Variants in RNF34 observed in about 807,000 individuals in gnomAD.
RNF34 encodes the protein ring finger protein 34, also known as E3 ubiquitin-protein ligase RNF34.
RNF34 carries 12 observed loss-of-function variants against 37.9 expected under a neutral mutation model. The observed-to-expected ratio is 0.32, with a 90% confidence interval of 0.20 to 0.51. The LOEUF (loss-of-function observed/expected upper bound fraction) is 0.51, where lower values mean the gene tolerates loss of function less well. RNF34 is among the 20% of genes least tolerant of loss of function. The pLI is 0.97. For synonymous variants in RNF34, 155 were observed against 177.2 expected (o/e 0.87, Z 1.00); for missense variants, 362 against 472.7 (o/e 0.77, Z 2.17).
intron 1 of RNF34, 149 bp from the exon 2 acceptor site, chr12:121,416,010 A>G (rs1871538914): frequency 1.6e-6 from 1 of 613,810 alleles, no homozygotes; most frequent in South Asian, 2.1e-5. Context: ...ATTCTTTCCA[A>G]ATGGCTTGAA....
intron 5 of RNF34, among the ~76,000 whole-genome samples, chr12:121,422,736 T>A (rs1038606347): frequency 4.6e-5 from 7 of 152,340 alleles, no homozygotes; most frequent in Middle Eastern, 3.4e-3. Context: ...AACTTTTTTT[T>A]AACTTATTCA....
chr12:121,410,628 G>C (rs1218494204), intron 1 of RNF34, among the ~76,000 whole-genome samples: 1 of 151,562 alleles, frequency 6.6e-6, no homozygotes, highest in Non-Finnish European at 1.5e-5. Context: ...TCAAATTTCT[G>C]AACTTTCCAG....
intron 1 of RNF34, among the ~76,000 whole-genome samples, chr12:121,402,551 AG>A: frequency 7.2e-6 from 1 of 139,014 alleles, no homozygotes; most frequent in Admixed American, 6.7e-5. Flanking sequence ...ACTTCCTATA[AG>A]GGATTAAAAA....
rs1872388487 is a variant in RNF34, at chr12:121,424,091, G to A, written c.*515G>A. ...GAATGTAAGTTTCCACATTGTTGCT[G>A]TTTCTGCATTTAAACATAATTGGGA... On this transcript the variant is annotated 3_prime_UTR_variant, in exon 6 of 6. Transcript: ENST00000361234. The A allele has an allele frequency of 6.5e-6, 1 of 152,814 alleles. No homozygotes were observed. Among genetic ancestry groups the A allele is most frequent in the Non-Finnish European group, 1.5e-5 (1 of 68,160 alleles). The allele number at this position is 152,814 out of a possible 1,614,324, so 9.5% of individuals were successfully genotyped here. A position where few individuals can be genotyped will look rare whatever the true frequency, so the allele number is the denominator to read the frequency against.
chr12:121,417,414 AAAATT>A lies in RNF34; in HGVS notation c.226-84_226-80del. 1 of 1,187,020 alleles carries A rather than the reference AAAATT, an allele frequency of 8.4e-7. No individual in the cohort carries two copies. Among genetic ancestry groups the A allele is most frequent in the East Asian group, 2.4e-5 (1 of 42,392 alleles). The allele number at this position is 1,187,020 out of a possible 1,614,324, so 73.5% of individuals were successfully genotyped here. A position where few individuals can be genotyped will look rare whatever the true frequency, so the allele number is the denominator to read the frequency against. On this transcript the variant is annotated intron_variant, in intron 2 of 5. Coordinates refer to ENST00000361234, the MANE Select transcript of RNF34 (RefSeq NM_025126.4). This position sits in a 1 kb window ranked among gnomAD's most constrained non-coding sequence, Gnocchi z 5.0. ...GCCACTGGGGACTTCACTAAGAACT[AAAATT>A]AAATTTTAGTAGAAGGCAGAAAGAA...
chr12:121,411,547 A>G (rs893735216), intron 1 of RNF34, among the ~76,000 whole-genome samples: 2 of 152,208 alleles, frequency 1.3e-5, no homozygotes, highest in African/African-American at 4.8e-5. Flanking sequence ...CAAAGGTCAT[A>G]ATCTCTGACA....
At chr12:121,402,941 A>G in intron 1 of RNF34, 2 of 680,248 alleles carry the variant, frequency 2.9e-6, no homozygotes, top group Admixed American at 4.4e-5. Flanking sequence ...GTATGAGAGA[A>G]ATAATTTAGG....
Position 121,423,440 on chromosome 12 carries a change from G to A in RNF34, c.983G>A (p.Cys328Tyr). The A allele has an allele frequency of 6.2e-7, 1 of 1,613,148 alleles. No homozygotes were observed. The highest frequency in any genetic ancestry group is 8.5e-7 in the Non-Finnish European group (1 of 1,179,546). Residue 328 changes from cysteine (C) to tyrosine (Y), a missense_variant, in exon 6 of 6, where the codon TGC becomes TAC. Transcript: ENST00000361234. This position sits in a 1 kb window ranked among gnomAD's most constrained non-coding sequence, Gnocchi z 4.3. Reference sequence around the variant, plus strand: ...GAAGACGACAGCCTGTGTCGCATCTGCATGGATGCCGTCATCGACTGTGTC... The same window carrying A: ...GAAGACGACAGCCTGTGTCGCATCTACATGGATGCCGTCATCGACTGTGTC... ...DEEDDSLCRI[C>Y]MDAVIDCVLL...
intron 1 of RNF34, among the ~76,000 whole-genome samples, chr12:121,403,441 CTTT>C (rs1212437567): frequency 6.6e-6 from 1 of 150,948 alleles, no homozygotes; most frequent in Non-Finnish European, 1.5e-5. Context: ...AAAGATTTTG[CTTT>C]TTTATCAACT....
intron 1 of RNF34, among the ~76,000 whole-genome samples, chr12:121,400,506 G>A (rs1266063012): frequency 6.6e-6 from 1 of 152,212 alleles, no homozygotes; most frequent in Non-Finnish European, 1.5e-5. Context: ...GCCGGGCCCT[G>A]TGCGCCTCCT....
rs143285387 is a variant in RNF34, at chr12:121,420,583, G to T, written c.733G>T (p.Gly245Trp). The T allele has an allele frequency of 2.5e-6, 4 of 1,613,882 alleles. No individual in the cohort carries two copies. The African/African-American group carries it at 4.0e-5, about 16-fold the overall frequency. ...GGATGCTCTGTGGTTTCAGAACCCCGGGCTCTCCAAGGAGAGAGTGAGAGC... is the reference window on the plus strand; with the variant it reads ...GGATGCTCTGTGGTTTCAGAACCCCTGGCTCTCCAAGGAGAGAGTGAGAGC... ...EEENAEDRNP[G>W]LSKERVRASL... The change falls in exon 5 of 6, where the codon GGG becomes TGG. Residue 245 changes from glycine (G) to tryptophan (W), a missense_variant. Transcript: ENST00000361234.
chr12:121,402,625 T>G (rs1870107208), intron 1 of RNF34: 1 of 579,682 alleles, frequency 1.7e-6, no homozygotes, highest in South Asian at 2.7e-5. Flanking sequence ...TTTTCCTTAT[T>G]TATATTGATC....
In RNF34 at chr12:121,423,145, T is replaced by C. The variant is rs1470557956; in HGVS notation, c.929-241T>C. On this transcript the variant is annotated intron_variant, in intron 5 of 5. Transcript: ENST00000361234. The surrounding 1 kb of genome is among the most constrained non-coding windows in gnomAD (Gnocchi z 4.3). ...TAAAATAGAAATACATAGCTAACAT[T>C]TGTTGGGTACGTCAAGCATTTTATT... Among the ~76,000 whole-genome samples, 1 of 152,214 alleles carries C rather than the reference T, an allele frequency of 6.6e-6. No homozygotes were observed. The highest frequency in any genetic ancestry group is 1.9e-4 in the East Asian group (1 of 5,204).
chr12:121,404,581 G>A (rs1212879692), intron 1 of RNF34, among the ~76,000 whole-genome samples: 5 of 151,612 alleles, frequency 3.3e-5, no homozygotes, highest in African/African-American at 7.3e-5. Context: ...AGTAGAGACC[G>A]GGTTTCACCA....
At position 121,402,741 on chromosome 12, in the gene RNF34, G is replaced by T; in HGVS notation, c.6+2523G>T. On this transcript the variant is annotated intron_variant, in intron 1 of 5. Coordinates refer to ENST00000361234, the MANE Select transcript of RNF34 (RefSeq NM_025126.4). ...CCTTTTCCTTTTTTTTTCTCTGAAA[G>T]GTGGGGGAGTGGTACTAAGGATCAA... 2 of 1,579,244 alleles carry T rather than the reference G, an allele frequency of 1.3e-6. No individual in the cohort carries two copies. The highest frequency in any genetic ancestry group is 1.7e-6 in the Non-Finnish European group (2 of 1,161,928).
intron 1 of RNF34, chr12:121,402,776 TAAAAG>T (rs781821002): frequency 7.6e-5 from 122 of 1,609,100 alleles, no homozygotes; most frequent in Non-Finnish European, 1.0e-4. Context: ...AGTATACTGT[TAAAAG>T]AAAACAAAAA....
intron 5 of RNF34, among the ~76,000 whole-genome samples, chr12:121,422,891 G>A (rs1182635721): frequency 6.6e-6 from 1 of 150,570 alleles, no homozygotes; most frequent in African/African-American, 2.5e-5. Flanking sequence ...AGGGAAGGAT[G>A]CACAATTATT....
At position 121,416,225 on chromosome 12, in the gene RNF34, G is replaced by C; in HGVS notation, c.73G>C (p.Val25Leu). 6.2e-7 allele frequency: 1 copy of C among 1,614,110 alleles called. No homozygotes were observed. The highest frequency in any genetic ancestry group is 1.1e-5 in the South Asian group (1 of 91,074). The change falls in exon 2 of 6, where the codon GTC (valine) becomes CTC (leucine). Residue 25 changes from valine (V) to leucine (L), a missense_variant. Val to Leu is a conservative substitution (Grantham distance 32). Transcript: ENST00000361234. ...GAATGAAGTCATGGGAACTGGAGCT[G>C]TCAGGGGCCAGCAGTCAGCATTTGC... is the stretch of plus-strand genomic sequence containing the variant. ...LLNEVMGTGA[V>L]RGQQSAFAGA...
Position 121,420,621 on chromosome 12 carries a change from C to T in RNF34, c.771C>T (p.Asp257=), listed in dbSNP as rs1872045151. The stretch of plus-strand genomic sequence containing the variant: ...AGAGAGTGAGAGCTTCACTGTCTGA[C>T]TTGTCAAGCCTTGATGATGTGGAAG... The part of the protein sequence containing the change: ...SKERVRASLS[D]LSSLDDVEGM... The change falls in exon 5 of 6, where the codon GAC becomes GAT. Residue 257 remains aspartate, a synonymous_variant. Transcript: ENST00000361234. 6.2e-7 allele frequency: 1 copy of T among 1,614,026 alleles called. No homozygotes were observed. The highest frequency in any genetic ancestry group is 8.5e-7 in the Non-Finnish European group (1 of 1,180,020).
Sources: gnomAD v4.1 joint callset for allele counts (sites outside exome capture counted in the v4.1 genomes callset) on GRCh38, gnomAD v4.1.1 for gene constraint, Gnocchi (gnomAD v3.1) non-coding constraint, MANE v1.5 for transcripts, NCBI Gene and HGNC (gene_info 2026-07-23, HGNC 2026-07-21) for gene names.